The following MOBP variants were observed in gnomAD, a reference collection of about 807,000 sequenced individuals.
The protein encoded by MOBP is myelin associated oligodendrocyte basic protein, also known as myelin-associated oligodendrocyte basic protein.
In MOBP, 5 loss-of-function variants were observed where a neutral mutation model predicts 15.0. The ratio of observed to expected loss-of-function variants is 0.33; its 90% CI spans 0.17 to 0.70. MOBP has a LOEUF of 0.70. Ranked by LOEUF, MOBP falls within the 30% of genes least tolerant of loss-of-function variation. The pLI is 0.67. For missense variants in MOBP, 188 were observed against 257.8 expected, an observed-to-expected ratio of 0.73 and a Z score of 1.85; for synonymous variants, 88 against 99.0, an observed-to-expected ratio of 0.89 and a Z score of 0.66.
chr3:39,468,626 T>C (rs1378349467), intron 1 of MOBP, among the ~76,000 whole-genome samples: 1 of 152,024 alleles, frequency 6.6e-6, no homozygotes, highest in Admixed American at 6.6e-5. Context: ...CATATTTCCT[T>C]TATCATTCTC....
downstream of MOBP, among the ~76,000 whole-genome samples, chr3:39,506,024 T>C (rs938451836): frequency 6.6e-6 from 1 of 152,064 alleles, no homozygotes; most frequent in Non-Finnish European, 1.5e-5. Context: ...GCCTCAGAGG[T>C]TGAAGCATTC....
At chr3:39,498,112 A>C (rs1251303821) in intron 2 of MOBP, among the ~76,000 whole-genome samples, 1 of 152,252 alleles carries the variant, frequency 6.6e-6, no homozygotes, top group African/African-American at 2.4e-5. Flanking sequence ...CTTTAGGCTA[A>C]ACTTAATTTA....
intron 2 of MOBP, among the ~76,000 whole-genome samples, chr3:39,489,089 G>A (rs529745051): frequency 6.6e-6 from 1 of 152,158 alleles, no homozygotes; most frequent in South Asian, 2.1e-4. Flanking sequence ...CTGTTCTCTG[G>A]TTTCTTGGAG....
chr3:39,498,991 A>G (rs534940439), intron 2 of MOBP, among the ~76,000 whole-genome samples: 2 of 152,302 alleles, frequency 1.3e-5, no homozygotes, highest in African/African-American at 4.8e-5. Context: ...TTCTTATCAC[A>G]TACTAGTTAT....
chr3:39,519,390 C>G (rs1048557155), downstream of MOBP, among the ~76,000 whole-genome samples: 1 of 152,082 alleles, frequency 6.6e-6, no homozygotes, highest in Non-Finnish European at 1.5e-5. Context: ...TTATTTTCAA[C>G]TAGAGCTTTG....
intron 4 of MOBP, among the ~76,000 whole-genome samples, chr3:39,508,569 A>ATTT (rs2043077678): frequency 1.1e-5 from 1 of 87,590 alleles, no homozygotes. Flanking sequence ...TTTTTTTTTG[A>ATTT]GACGGAGTCT....
chr3:39,470,538 CATTATTCTTTTTTACTA>C (rs1461335980), intron 1 of MOBP, among the ~76,000 whole-genome samples: 12 of 152,114 alleles, frequency 7.9e-5, no homozygotes, highest in African/African-American at 4.8e-5. Flanking sequence ...GGATGAGATG[CATTATTCTTTTTTACTA>C]ATACATCACA....
chr3:39,467,875 G>GT (rs2042365742), intron 1 of MOBP, 135 bp downstream of exon 1: 1 of 152,074 alleles, frequency 6.6e-6, no homozygotes, highest in Middle Eastern at 3.2e-3. Flanking sequence ...AGATTGAGAG[G>GT]ACATACAAGG....
chr3:39,520,714 A>G (rs2043256664), downstream of MOBP, among the ~76,000 whole-genome samples: 1 of 152,030 alleles, frequency 6.6e-6, no homozygotes, highest in South Asian at 2.1e-4. Context: ...TCCTCCCTTC[A>G]ATTCCGTATG....
At chr3:39,505,178 T>C (rs1177755573), downstream of MOBP, among the ~76,000 whole-genome samples, 1 of 152,226 alleles carries the variant, frequency 6.6e-6, no homozygotes, top group East Asian at 1.9e-4. Flanking sequence ...CCTGGGCCTC[T>C]TTTGGTTTCA....
chr3:39,513,470 T>C (rs1443973221), exon 5 of MOBP: 5 of 1,576,952 alleles, frequency 3.2e-6, no homozygotes, highest in Non-Finnish European at 3.5e-6. Flanking sequence ...CCTGGACTCA[T>C]TGCTTCACAA....
chr3:39,523,939 C>T lies in MOBP; in HGVS notation c.*259-304C>T, dbSNP rs77307231. Among the ~76,000 whole-genome samples the T allele has an allele frequency of 7.2e-3, 1,100 of 152,148 alleles. 13 individuals are homozygous for T. Among genetic ancestry groups the T allele is most frequent in the African/African-American group, 0.026 (1,061 of 41,486 alleles). The stretch of plus-strand genomic sequence containing the variant: ...TCCCCCACAGCGCAATTGTACAAAC[C>T]GAGGGAAATGAAAGTTTTAATTTAT... On this transcript the variant is annotated intron_variant and NMD_transcript_variant, in intron 3 of 4. Coordinates refer to the MOBP transcript ENST00000424090.
intron 1 of MOBP, among the ~76,000 whole-genome samples, chr3:39,473,692 C>T (rs1213644066): frequency 6.6e-6 from 1 of 152,104 alleles, no homozygotes; most frequent in Admixed American, 6.5e-5. Flanking sequence ...ATCAGCTAGC[C>T]CTGGGAGGGG....
rs529559242 is a variant in MOBP, at chr3:39,497,873, C to T, written c.-4-4193C>T. Among the ~76,000 whole-genome samples, 45 of 152,198 alleles carry T rather than the reference C, an allele frequency of 3.0e-4. No homozygotes were observed. In the East Asian group the frequency reaches 8.5e-3, roughly 29 times the overall value. ...GGGCCACCACACGGTCAGAAAACATCGATGGACAGAGAAAGGAAAGTGACA... is the reference window on the plus strand; with the variant it reads ...GGGCCACCACACGGTCAGAAAACATTGATGGACAGAGAAAGGAAAGTGACA... On this transcript the variant is annotated intron_variant, in intron 2 of 3. Transcript: ENST00000684792.
At chr3:39,492,065 C>T (rs535540410) in intron 2 of MOBP, among the ~76,000 whole-genome samples, 1 of 152,234 alleles carries the variant, frequency 6.6e-6, no homozygotes, top group South Asian at 2.1e-4. Flanking sequence ...GCCAATGGCC[C>T]AGAATAACGC....
At chr3:39,474,593 A>G (rs1229071821) in intron 1 of MOBP, among the ~76,000 whole-genome samples, 1 of 152,204 alleles carries the variant, frequency 6.6e-6, no homozygotes, top group African/African-American at 2.4e-5. Context: ...GCAGACGACT[A>G]TACATGGAAC....
At chr3:39,470,211 G>GTT (rs1031221343) in intron 1 of MOBP, among the ~76,000 whole-genome samples, 6 of 152,160 alleles carry the variant, frequency 3.9e-5, no homozygotes, top group Non-Finnish European at 5.9e-5. Flanking sequence ...GATCAAAAGT[G>GTT]TTTCCTACAT....
At position 39,477,949 on chromosome 3, in the gene MOBP, T is replaced by A. The variant is rs576431497; in HGVS notation, c.-88-2091T>A. Among the ~76,000 whole-genome samples the A allele has an allele frequency of 3.3e-5, 5 of 152,270 alleles. No homozygotes were observed. The South Asian group carries it at 1.0e-3, about 32-fold the overall frequency. Reference sequence around the variant, plus strand: ...ATATAATGGGTTTTAAGCTAAGTGTTATTACAAAAGAGTCAAAAACTTAAG... The same window carrying A: ...ATATAATGGGTTTTAAGCTAAGTGTAATTACAAAAGAGTCAAAAACTTAAG... On this transcript the variant is annotated intron_variant, in intron 1 of 3. Coordinates refer to ENST00000684792, the MANE Select transcript of MOBP (RefSeq NM_001393704.1).
intron 2 of MOBP, among the ~76,000 whole-genome samples, chr3:39,493,699 C>T (rs2042834180): frequency 6.6e-6 from 1 of 152,124 alleles, no homozygotes; most frequent in Non-Finnish European, 1.5e-5. Flanking sequence ...TAGATGCTTT[C>T]CTAGAATTAT....
Sources: allele counts gnomAD v4.1 joint callset (sites outside exome capture counted in the v4.1 genomes callset), GRCh38; gene constraint gnomAD v4.1.1; transcripts MANE v1.5; gene names NCBI Gene and HGNC (gene_info 2026-07-23, HGNC 2026-07-21).